PLPP1: variants seen among roughly 807,000 people sequenced by gnomAD.
PLPP1 encodes phospholipid phosphatase 1.
In PLPP1, 24 loss-of-function variants were observed where a neutral mutation model predicts 31.2. The observed-to-expected ratio is 0.77, with a 90% CI of 0.56 to 1.08. PLPP1 has a LOEUF of 1.08. PLPP1 is among the 50% of genes least tolerant of loss of function. The pLI is 0.00. For missense variants in PLPP1, 319 were observed against 342.7 expected (o/e 0.93, Z 0.55); for synonymous variants, 146 against 126.3 (o/e 1.16, Z -1.05).
intron 1 of PLPP1, among the ~76,000 whole-genome samples, chr5:55,521,648 G>C (rs1391415107): frequency 6.6e-6 from 1 of 152,112 alleles, no homozygotes; most frequent in Non-Finnish European, 1.5e-5. Context: ...GTGCTAACAG[G>C]CACTCAATAA....
chr5:55,518,177 A>G (rs1006817659), intron 1 of PLPP1, among the ~76,000 whole-genome samples: 4 of 152,138 alleles, frequency 2.6e-5, no homozygotes, highest in African/African-American at 9.7e-5. Flanking sequence ...TCCTATGCAC[A>G]TTAACTCTAG....
intron 1 of PLPP1, among the ~76,000 whole-genome samples, chr5:55,509,468 T>TA: frequency 6.6e-6 from 1 of 152,340 alleles, no homozygotes; most frequent in Middle Eastern, 3.4e-3. Context: ...GGTTTTATTA[T>TA]AAAAAGTTCT....
intron 1 of PLPP1, among the ~76,000 whole-genome samples, chr5:55,481,489 T>G (rs966711368): frequency 6.6e-6 from 1 of 152,086 alleles, no homozygotes; most frequent in African/African-American, 2.4e-5. Flanking sequence ...ATACACTGCC[T>G]TGGGGATGAC....
At chr5:55,533,248 G>A (rs1740742100) in intron 1 of PLPP1, among the ~76,000 whole-genome samples, 1 of 151,694 alleles carries the variant, frequency 6.6e-6, no homozygotes, top group South Asian at 2.1e-4. Context: ...GCCAGGCATG[G>A]TGGCGGTGCC....
intron 1 of PLPP1, among the ~76,000 whole-genome samples, chr5:55,480,084 T>C (rs2111823672): frequency 6.6e-6 from 1 of 152,322 alleles, no homozygotes; most frequent in Non-Finnish European, 1.5e-5. Flanking sequence ...TACTTGATGT[T>C]AACTTTGACA....
intron 1 of PLPP1, among the ~76,000 whole-genome samples, chr5:55,508,281 C>T (rs1753327743): frequency 6.6e-6 from 1 of 152,214 alleles, no homozygotes; most frequent in African/African-American, 2.4e-5. Context: ...TTCCCATTCT[C>T]TTTGGCCCTG....
intron 3 of PLPP1, among the ~76,000 whole-genome samples, chr5:55,443,393 C>A (rs1751680611): frequency 6.6e-6 from 1 of 151,702 alleles, no homozygotes; most frequent in African/African-American, 2.4e-5. Flanking sequence ...AAATAAATCA[C>A]TTTTTAACCT....
intron 1 of PLPP1, among the ~76,000 whole-genome samples, chr5:55,502,849 T>C (rs1479615140): frequency 6.6e-6 from 1 of 152,150 alleles, no homozygotes; most frequent in East Asian, 1.9e-4. Context: ...CCCACGTGCA[T>C]ACATTTAGTG....
chr5:55,513,515 G>A (rs1021618605), intron 1 of PLPP1, among the ~76,000 whole-genome samples: 1 of 151,848 alleles, frequency 6.6e-6, no homozygotes, highest in African/African-American at 2.4e-5. Flanking sequence ...CAGGTGATCC[G>A]CCCGCCTTGG....
At chr5:55,524,347 T>C (rs1753736016) in intron 1 of PLPP1, among the ~76,000 whole-genome samples, 2 of 152,136 alleles carry the variant, frequency 1.3e-5, no homozygotes, top group Non-Finnish European at 2.9e-5. Context: ...CCATCCTGGG[T>C]TGCATGCAGC....
chr5:55,467,807 A>T (rs1752336731), intron 3 of PLPP1, 62 bp downstream of exon 3: 1 of 1,493,772 alleles, frequency 6.7e-7, no homozygotes, highest in South Asian at 1.3e-5. Context: ...TCTTCCAGTC[A>T]CTGAAACCTT....
rs532802872 is a variant in PLPP1, at chr5:55,432,087, TTC to T, written c.550-6050_550-6049del. On this transcript the variant is annotated intron_variant, in intron 4 of 5. Coordinates refer to ENST00000307259, the MANE Select transcript of PLPP1 (RefSeq NM_003711.4). ...CAGAGCATGCCAGCATGAATAATTTTTCTTTTTCTTCTTTTTTTTTTTTTTTT... is the reference window on the plus strand; with the variant it reads ...CAGAGCATGCCAGCATGAATAATTTTTTTTTCTTCTTTTTTTTTTTTTTTT... 7.9e-3 allele frequency among the ~76,000 whole-genome samples: 252 copies of T among 31,826 alleles called. 1 individual carries two copies. The highest frequency in any genetic ancestry group is 0.019 in the African/African-American group (243 of 13,116). The allele number at this position is 31,826 out of a possible 152,430, so 20.9% of individuals were successfully genotyped here.
intron 3 of PLPP1, among the ~76,000 whole-genome samples, chr5:55,466,424 C>T (rs545580265): frequency 3.9e-5 from 6 of 152,230 alleles, no homozygotes; most frequent in Admixed American, 3.3e-4. Flanking sequence ...AGCTACTGGC[C>T]GGGTGCCATG....
chr5:55,513,268 C>CTTTTTCTTTTT (rs1554041705), intron 1 of PLPP1, among the ~76,000 whole-genome samples: 1 of 117,552 alleles, frequency 8.5e-6, no homozygotes, highest in Non-Finnish European at 1.8e-5. Flanking sequence ...ATAATGACTC[C>CTTTTTCTTTTT]TTTTTTTTTA....
intron 1 of PLPP1, among the ~76,000 whole-genome samples, chr5:55,525,408 T>G (rs1219475401): frequency 6.6e-6 from 1 of 152,226 alleles, no homozygotes; most frequent in East Asian, 1.9e-4. Flanking sequence ...CCACAGTCCA[T>G]CACTAGACTA....
chr5:55,468,831 A>G (rs1405335289), intron 2 of PLPP1, among the ~76,000 whole-genome samples: 1 of 152,094 alleles, frequency 6.6e-6, no homozygotes, highest in African/African-American at 2.4e-5. Context: ...ATACATACAT[A>G]CCTACTTCCC....
rs139263624 is a variant in PLPP1 at position 55,449,299 on chromosome 5, C to T, written c.492-7391G>A. Among the ~76,000 whole-genome samples, 203 of 152,254 alleles carry T rather than the reference C, an allele frequency of 1.3e-3. 2 individuals are homozygous for T. The Middle Eastern group carries it at 0.024, about 18-fold the overall frequency. ...GGTATCAAATGGGGGTTAAACTAAA[C>T]TTTCACATAACACGGTGATAATACT... On this transcript the variant is annotated intron_variant, in intron 3 of 5. Transcript: ENST00000307259.
chr5:55,518,800 G>C (rs1018564813), intron 1 of PLPP1, among the ~76,000 whole-genome samples: 1 of 151,972 alleles, frequency 6.6e-6, no homozygotes, highest in Non-Finnish European at 1.5e-5. Context: ...TAATAACTGA[G>C]GTTCATTTAC....
At chr5:55,512,554 AAGAAAGAAAGAAAG>A (rs1753455153) in intron 1 of PLPP1, among the ~76,000 whole-genome samples, 1 of 148,638 alleles carries the variant, frequency 6.7e-6, no homozygotes, top group Middle Eastern at 3.5e-3. Flanking sequence ...GAAAGAAAGA[AAGAAAGAAAGAAAG>A]AAAGAAAGGT....
Sources: gnomAD v4.1 joint callset for allele counts (sites outside exome capture counted in the v4.1 genomes callset) on GRCh38, gnomAD v4.1.1 for gene constraint, MANE v1.5 for transcripts, NCBI Gene and HGNC (gene_info 2026-07-23, HGNC 2026-07-21) for gene names.